Variants in HSPG2 observed in about 807,000 individuals in gnomAD.
The protein encoded by HSPG2 is basement membrane-specific heparan sulfate proteoglycan core protein.
In HSPG2, 278 loss-of-function variants were observed where a neutral mutation model predicts 526.6. That is an observed-to-expected ratio of 0.53 (90% CI 0.48 to 0.58). HSPG2 has a LOEUF of 0.58. Among genes scored for constraint, HSPG2 ranks in the 20% least tolerant of loss-of-function variants. The pLI is 0.00. For synonymous variants in HSPG2, 2,465 were observed against 2,555.4 expected (o/e 0.96, Z 1.07); for missense variants, 5,354 against 6,099.5 (o/e 0.88, Z 4.07).
chr1:21,823,429 A>G lies in HSPG2; in HGVS notation c.13063T>C (p.Cys4355Arg). The stretch of plus-strand genomic sequence containing the variant: ...GAGTGCAGCACCAGGTTCTTGACAC[A>G]GCCTGTGATGCCTGAGGAGAATCTG... ...GGRFSSGITG[C>R]VKNLVLHSAR... The change falls in exon 97 of 97, where the codon TGT (cysteine) becomes CGT (arginine). Residue 4355 changes from cysteine to arginine, a missense_variant. Coordinates refer to ENST00000374695, the MANE Select transcript of HSPG2 (RefSeq NM_005529.7). 1 of 1,589,624 alleles carries G rather than the reference A, an allele frequency of 6.3e-7. No homozygotes were observed. Among genetic ancestry groups the G allele is most frequent in the Non-Finnish European group, 8.5e-7 (1 of 1,172,586 alleles).
chr1:21,932,268 A>G (rs1557843144), intron 1 of HSPG2, among the ~76,000 whole-genome samples: 1 of 152,206 alleles, frequency 6.6e-6, no homozygotes, highest in Non-Finnish European at 1.5e-5. Flanking sequence ...GCCCACGACA[A>G]GCACATGGGG....
chr1:21,851,161 T>TG (rs1638862679), intron 55 of HSPG2: 2 of 243,274 alleles, frequency 8.2e-6, no homozygotes, highest in South Asian at 1.1e-4. Context: ...TTAATAGAGA[T>TG]GGGGTTTCAC....
chr1:21,876,488 T>G (rs769585645), intron 22 of HSPG2, 24 bp downstream of exon 22: 1 of 1,613,604 alleles, frequency 6.2e-7, no homozygotes, highest in Non-Finnish European at 8.5e-7. Context: ...TTGGCGGTCC[T>G]GCCCGCCCAC....
At position 21,865,160 on chromosome 1, in the gene HSPG2, G is replaced by C; in HGVS notation, c.4396-87C>G. On this transcript the variant is annotated intron_variant, in intron 35 of 96. Coordinates refer to ENST00000374695, the MANE Select transcript of HSPG2 (RefSeq NM_005529.7). This position sits in a 1 kb window ranked among gnomAD's most constrained non-coding sequence, Gnocchi z 5.4. ...CCACCCCCCAAATCCTGCCTTACAG[G>C]CACTGACTGAGGGCTGCCAGGTGAA... 1 of 1,524,944 alleles carries C rather than the reference G, an allele frequency of 6.6e-7. No individual in the cohort carries two copies. Among genetic ancestry groups the C allele is most frequent in the Non-Finnish European group, 9.1e-7 (1 of 1,100,864 alleles). 94.5% of individuals were successfully genotyped at this position (1,524,944 alleles called of 1,614,324 possible). A position where few individuals can be genotyped will look rare whatever the true frequency, so the allele number is the denominator to read the frequency against.
At chr1:21,832,352 G>A (rs2098008128) in intron 81 of HSPG2, 143 bp downstream of exon 81, 2 of 688,416 alleles carry the variant, frequency 2.9e-6, no homozygotes, top group Non-Finnish European at 5.3e-6. Flanking sequence ...TCCTACTCTA[G>A]CAGATTGGGT....
chr1:21,873,935 G>A lies in HSPG2; in HGVS notation c.3733C>T (p.His1245Tyr). Reference protein sequence around the residue: ...DACSPGHSGRHCERCAPGYYG... With the variant: ...DACSPGHSGRYCERCAPGYYG... Reference sequence around the variant, plus strand: ...CACCCCCTGCCTCACCTCTCACAGTGACGCCCACTGTGGCCTGGGGAGCAC... The same window carrying A: ...CACCCCCTGCCTCACCTCTCACAGTAACGCCCACTGTGGCCTGGGGAGCAC... The change falls in exon 29 of 97, where the codon CAC (histidine) becomes TAC (tyrosine). Residue 1245 changes from histidine to tyrosine, a missense_variant. By Grantham distance (83) the His-to-Tyr change is moderately conservative. Transcript: ENST00000374695. 1.9e-6 allele frequency: 3 copies of A among 1,592,692 alleles called. No homozygotes were observed. Among genetic ancestry groups the A allele is most frequent in the African/African-American group, 2.7e-5 (2 of 74,724 alleles).
chr1:21,872,314 T>A lies in HSPG2; in HGVS notation c.4093A>T (p.Ser1365Cys). The A allele has an allele frequency of 1.3e-6, 2 of 1,575,970 alleles. No homozygotes were observed. Among genetic ancestry groups the A allele is most frequent in the South Asian group, 2.3e-5 (2 of 85,698 alleles). ...GFALVNPQRN[S>C]RLTGEFTVEP... is the part of the protein sequence containing the mutation. ...ACAGTGAATTCTCCTGTCAGGCGGC[T>A]GTTTCGCTGTGGGTTCACCAGGGCA... The change falls in exon 33 of 97, where the codon AGC becomes TGC. Residue 1365 changes from serine (S) to cysteine (C), a missense_variant. By Grantham distance (112) the Ser-to-Cys change is moderately radical. Transcript: ENST00000374695. This position sits in a 1 kb window ranked among gnomAD's most constrained non-coding sequence, Gnocchi z 5.5.
At chr1:21,873,291 A>G in intron 30 of HSPG2, 84 bp downstream of exon 30, 5 of 1,500,412 alleles carry the variant, frequency 3.3e-6, no homozygotes, top group Non-Finnish European at 4.6e-6. Context: ...AGGCAAAGCC[A>G]AAGGGGAGTA....
intron 1 of HSPG2, among the ~76,000 whole-genome samples, chr1:21,910,718 T>C (rs1245093667): frequency 2.6e-5 from 4 of 152,146 alleles, no homozygotes; most frequent in South Asian, 2.1e-4. Context: ...GTAGCCTCCA[T>C]AGAACCACCC....
In HSPG2 at chr1:21,828,900, C is replaced by T; in HGVS notation, c.12172G>A (p.Glu4058Lys). 1 of 1,557,800 alleles carries T rather than the reference C, an allele frequency of 6.4e-7. No individual in the cohort carries two copies. The highest frequency in any genetic ancestry group is 8.7e-7 in the Non-Finnish European group (1 of 1,150,722). The change falls in exon 88 of 97, where the codon GAG becomes AAG. Residue 4058 changes from glutamate (E) to lysine (K), a missense_variant. Coordinates refer to ENST00000374695, the MANE Select transcript of HSPG2 (RefSeq NM_005529.7). The surrounding 1 kb of genome is among the most constrained non-coding windows in gnomAD (Gnocchi z 6.0). ...GCCGGGGACAGTGGCACGGAAGGCTCCACACCCCCCAGGTAGAGCAGGGTG... is the reference window on the plus strand; with the variant it reads ...GCCGGGGACAGTGGCACGGAAGGCTTCACACCCCCCAGGTAGAGCAGGGTG... ...LHTLLYLGGV[E>K]PSVPLSPATN...
At chr1:21,849,065 A>G (rs1244273661) in intron 57 of HSPG2, 34 bp from the exon 58 acceptor site, 9 of 1,608,770 alleles carry the variant, frequency 5.6e-6, no homozygotes, top group Non-Finnish European at 7.6e-6. Context: ...GCAGGCTCAG[A>G]GCTGGGCACT....
rs767830555 is a variant in HSPG2 at position 21,873,966 on chromosome 1, A to G, written c.3702T>C (p.Cys1234=). ...CFLDTDGHPT[C]DACSPGHSGR... Reference sequence around the variant, plus strand: ...CACTGTGGCCTGGGGAGCACGCATCACAGGTGGGGTGGCCGTCTGTGTCCA... The same window carrying G: ...CACTGTGGCCTGGGGAGCACGCATCGCAGGTGGGGTGGCCGTCTGTGTCCA... The change falls in exon 29 of 97, where the codon TGT becomes TGC. Residue 1234 remains cysteine (C), a synonymous_variant. Transcript: ENST00000374695. The G allele has an allele frequency of 1.2e-6, 2 of 1,606,518 alleles. No individual in the cohort carries two copies. The highest frequency in any genetic ancestry group is 1.7e-6 in the Non-Finnish European group (2 of 1,176,458).
At chr1:21,912,090 A>G (rs144190900) in intron 1 of HSPG2, among the ~76,000 whole-genome samples, 53 of 152,302 alleles carry the variant, frequency 3.5e-4, no homozygotes, top group Non-Finnish European at 3.2e-4. Flanking sequence ...TATTTTATTA[A>G]TAAGTCAAAG....
chr1:21,839,613 G>A lies in HSPG2; in HGVS notation c.9710-63C>T. ...CTACCTCAGGGACCCGCAGAGGGTG[G>A]CCATGGTGAGGAAGGGCCCTGGGTG... is the stretch of plus-strand genomic sequence containing the variant. On this transcript the variant is annotated intron_variant, in intron 72 of 96. Transcript: ENST00000374695. This position sits in a 1 kb window ranked among gnomAD's most constrained non-coding sequence, Gnocchi z 4.5. 1 of 1,577,168 alleles carries A rather than the reference G, an allele frequency of 6.3e-7. No homozygotes were observed. Among genetic ancestry groups the A allele is most frequent in the African/African-American group, 1.3e-5 (1 of 74,244 alleles).
chr1:21,934,092 C>G (rs1644419286), intron 1 of HSPG2, among the ~76,000 whole-genome samples: 2 of 152,230 alleles, frequency 1.3e-5, no homozygotes, highest in Non-Finnish European at 2.9e-5. Flanking sequence ...GCCCAGCCCC[C>G]TCCTCCAGCA....
In HSPG2 at chr1:21,890,379, G is replaced by A. The variant is rs779721909; in HGVS notation, c.413+48C>T. On this transcript the variant is annotated intron_variant, in intron 5 of 96. Transcript: ENST00000374695. This position sits in a 1 kb window ranked among gnomAD's most constrained non-coding sequence, Gnocchi z 4.1. The stretch of plus-strand genomic sequence containing the variant: ...TTCCCATCCTCATCAGCCCCCTCCA[G>A]GTTACCCGCTCAAGTCCCCCAGCAG... 3 of 1,577,772 alleles carry A rather than the reference G, an allele frequency of 1.9e-6. No individual in the cohort carries two copies. Among genetic ancestry groups the A allele is most frequent in the Admixed American group, 3.3e-5 (2 of 59,942 alleles).
At chr1:21,935,851 G>T (rs1644475115) in intron 1 of HSPG2, among the ~76,000 whole-genome samples, 1 of 152,150 alleles carries the variant, frequency 6.6e-6, no homozygotes, top group African/African-American at 2.4e-5. Context: ...TTTGGGGTGA[G>T]AGGCTGAAAC....
At chr1:21,830,712 A>AC (rs2097999409) in intron 85 of HSPG2, 1 of 367,884 alleles carries the variant, frequency 2.7e-6, no homozygotes, top group African/African-American at 2.2e-5. Flanking sequence ...AAAAAAAAAA[A>AC]GATGGGCTGG....
chr1:21,835,371 C>A, intron 76 of HSPG2, 169 bp downstream of exon 76: 1 of 656,940 alleles, frequency 1.5e-6, no homozygotes, highest in Non-Finnish European at 2.8e-6. Flanking sequence ...AAATATGTAT[C>A]AAGCCCCTTT....
Sources: allele counts gnomAD v4.1 joint callset (sites outside exome capture counted in the v4.1 genomes callset), GRCh38; gene constraint gnomAD v4.1.1; non-coding constraint Gnocchi (gnomAD v3.1); transcripts MANE v1.5; gene names NCBI Gene and HGNC (gene_info 2026-07-23, HGNC 2026-07-21).